Variants in BTBD9 observed in about 807,000 individuals in gnomAD.
BTBD9 encodes BTB/POZ domain-containing protein 9.
A neutral mutation model predicts 64.3 loss-of-function variants in BTBD9; 49 were observed. The observed-to-expected ratio is 0.76, with a 90% confidence interval of 0.61 to 0.97. BTBD9 has a LOEUF of 0.97. Ranked by LOEUF, BTBD9 falls within the 50% of genes least tolerant of loss-of-function variation. The probability of loss-of-function intolerance (pLI) is 0.00; values close to 1 mark genes in which losing one functional copy is unlikely to be tolerated. For missense variants in BTBD9, 598 were observed against 762.1 expected (o/e 0.78, Z 2.53); for synonymous variants, 260 against 274.7 (o/e 0.95, Z 0.53).
intron 10 of BTBD9, among the ~76,000 whole-genome samples, chr6:38,176,563 C>T (rs186658004): frequency 2.0e-5 from 3 of 152,220 alleles, no homozygotes; most frequent in East Asian, 3.9e-4. Flanking sequence ...CTATGTCTCC[C>T]TCCTTTTCCT....
chr6:38,267,894 C>T (rs937314418), intron 8 of BTBD9, among the ~76,000 whole-genome samples: 1 of 152,082 alleles, frequency 6.6e-6, no homozygotes, highest in Non-Finnish European at 1.5e-5. Context: ...GAGCCGAGAT[C>T]GCACCACTGC....
chr6:38,388,946 ATAC>A (rs1766296087), intron 6 of BTBD9, among the ~76,000 whole-genome samples: 1 of 152,198 alleles, frequency 6.6e-6, no homozygotes, highest in Non-Finnish European at 1.5e-5. Context: ...CACAGGTTTT[ATAC>A]TAGCAAGAGA....
intron 6 of BTBD9, among the ~76,000 whole-genome samples, chr6:38,535,679 GA>G: frequency 6.6e-6 from 1 of 152,196 alleles, no homozygotes; most frequent in East Asian, 1.9e-4. Flanking sequence ...CAACGGAACA[GA>G]ATTGAGAATC....
chr6:38,424,413 T>C (rs1390064304), intron 6 of BTBD9, among the ~76,000 whole-genome samples: 1 of 151,986 alleles, frequency 6.6e-6, no homozygotes, highest in Non-Finnish European at 1.5e-5. Context: ...CTCCAGCTCA[T>C]TGTAAATGTT....
chr6:38,266,625 A>AG (rs1216723430), intron 8 of BTBD9, among the ~76,000 whole-genome samples: 12 of 62,530 alleles, frequency 1.9e-4, no homozygotes, highest in East Asian at 8.3e-4. Context: ...AAAGAAAGAA[A>AG]GAAAGAAAGA....
intron 6 of BTBD9, among the ~76,000 whole-genome samples, chr6:38,478,858 A>G (rs12200371): frequency 0.12 from 18,298 of 152,172 alleles, 1,170 homozygotes; most frequent in African/African-American, 0.17. Flanking sequence ...GTGAGCTAAA[A>G]TTCCATTTCA....
At position 38,542,958 on chromosome 6, in the gene BTBD9, A is replaced by C. The variant is rs183676887; in HGVS notation, c.1154+34642T>G. 1.0e-3 allele frequency among the ~76,000 whole-genome samples: 154 copies of C among 152,384 alleles called. 3 individuals are homozygous for C. The East Asian group carries it at 0.02, about 19-fold the overall frequency. On this transcript the variant is annotated intron_variant, in intron 6 of 10. Transcript: ENST00000481247. ...ACTCCATTAAAATGTGAACCAGATC[A>C]TATCACTTCCCCGATTAAACCTTCT...
chr6:38,483,987 T>C (rs1441593183), intron 6 of BTBD9, among the ~76,000 whole-genome samples: 1 of 152,256 alleles, frequency 6.6e-6, no homozygotes, highest in Non-Finnish European at 1.5e-5. Context: ...CCTACTACAA[T>C]GTAAACTGCG....
At chr6:38,223,759 T>C (rs1763295508) in intron 9 of BTBD9, among the ~76,000 whole-genome samples, 1 of 152,054 alleles carries the variant, frequency 6.6e-6, no homozygotes, top group Non-Finnish European at 1.5e-5. Context: ...TTCCATTTCC[T>C]TTTTGGATTC....
At chr6:38,627,103 A>C (rs955494453) in intron 1 of BTBD9, among the ~76,000 whole-genome samples, 3 of 152,236 alleles carry the variant, frequency 2.0e-5, no homozygotes, top group Non-Finnish European at 4.4e-5. Flanking sequence ...ACCACTTTAA[A>C]GCAGCAAATG....
chr6:38,589,238 C>T (rs548700984), intron 4 of BTBD9, among the ~76,000 whole-genome samples: 1 of 152,318 alleles, frequency 6.6e-6, no homozygotes, highest in South Asian at 2.1e-4. Context: ...CCTTTCGCAA[C>T]TCATCTCCTG....
At chr6:38,591,188 C>T (rs1776775477) in intron 4 of BTBD9, among the ~76,000 whole-genome samples, 1 of 152,124 alleles carries the variant, frequency 6.6e-6, no homozygotes, top group Admixed American at 6.5e-5. Context: ...CATAAACTGG[C>T]CTAAGCTGAC....
At chr6:38,525,746 T>C (rs1436433867) in intron 6 of BTBD9, among the ~76,000 whole-genome samples, 2 of 152,190 alleles carry the variant, frequency 1.3e-5, no homozygotes, top group African/African-American at 4.8e-5. Context: ...GCTTTAGGAA[T>C]CTGTTGAACT....
intron 7 of BTBD9, among the ~76,000 whole-genome samples, chr6:38,334,275 T>TTA (rs2127583313): frequency 6.6e-6 from 1 of 152,178 alleles, no homozygotes; most frequent in South Asian, 2.1e-4. Context: ...GAACTTATAT[T>TTA]TAACAGCTGG....
At chr6:38,308,741 G>C (rs756959655) in intron 7 of BTBD9, among the ~76,000 whole-genome samples, 3 of 152,018 alleles carry the variant, frequency 2.0e-5, no homozygotes, top group Admixed American at 2.0e-4. Flanking sequence ...GAGTAGCTGG[G>C]ACTACAGGTA....
intron 6 of BTBD9, among the ~76,000 whole-genome samples, chr6:38,514,873 A>G (rs1489284951): frequency 1.3e-5 from 2 of 152,248 alleles, no homozygotes; most frequent in African/African-American, 2.4e-5. Flanking sequence ...TCTAACAAAG[A>G]AAGAATTTTT....
intron 6 of BTBD9, among the ~76,000 whole-genome samples, chr6:38,366,924 T>C (rs1190135628): frequency 1.3e-5 from 2 of 152,250 alleles, no homozygotes; most frequent in African/African-American, 4.8e-5. Flanking sequence ...GCACACAAAG[T>C]GTGCTCTCAA....
intron 6 of BTBD9, among the ~76,000 whole-genome samples, chr6:38,523,707 C>T (rs1773367771): frequency 1.3e-5 from 2 of 152,188 alleles, no homozygotes; most frequent in African/African-American, 4.8e-5. Context: ...TTATCATTAG[C>T]AGGCACTGTA....
intron 8 of BTBD9, 149 bp from the exon 9 acceptor site, chr6:38,256,665 A>G: frequency 1.7e-6 from 1 of 591,920 alleles, no homozygotes; most frequent in Non-Finnish European, 3.0e-6. Context: ...GTATGAAGAG[A>G]ACAGGCAGAG....
Sources: allele counts gnomAD v4.1 joint callset (sites outside exome capture counted in the v4.1 genomes callset), GRCh38; gene constraint gnomAD v4.1.1; transcripts MANE v1.5; gene names NCBI Gene and HGNC (gene_info 2026-07-23, HGNC 2026-07-21).